The following ETNK2 variants were observed in gnomAD, a reference collection of about 807,000 sequenced individuals.
ETNK2 encodes the protein ethanolamine kinase-like protein.
Under a neutral mutation model 46.2 loss-of-function variants are expected in ETNK2, and 33 were observed. The observed-to-expected ratio is 0.71, with a 90% CI of 0.54 to 0.96. The LOEUF (loss-of-function observed/expected upper bound fraction) is 0.96. Ranked by LOEUF, ETNK2 falls within the 40% of genes least tolerant of loss-of-function variation. The probability of loss-of-function intolerance (pLI) is 0.00; values close to 1 mark genes in which losing one functional copy is unlikely to be tolerated. For synonymous variants in ETNK2, 194 were observed against 209.0 expected (o/e 0.93, Z 0.62); for missense variants, 445 against 509.7 (o/e 0.87, Z 1.22).
At chr1:204,150,661 G>A (rs1014553341) in intron 1 of ETNK2, 1 of 152,876 alleles carries the variant, frequency 6.5e-6, no homozygotes, top group Non-Finnish European at 1.5e-5. Flanking sequence ...AGGCAGGAGA[G>A]GGGAGGGACT....
chr1:204,148,896 C>CAGG (rs2102303433), intron 2 of ETNK2, among the ~76,000 whole-genome samples: 1 of 152,324 alleles, frequency 6.6e-6, no homozygotes, highest in East Asian at 1.9e-4. Flanking sequence ...GTCCCAGTGT[C>CAGG]AGGAGTAAAC....
intron 2 of ETNK2, chr1:204,147,499 C>G (rs568890284): frequency 1.9e-6 from 1 of 533,248 alleles, no homozygotes; most frequent in South Asian, 1.4e-5. Context: ...CCCCATCGCC[C>G]GAGGCCCTGT....
At chr1:204,146,506 G>T in intron 3 of ETNK2, 136 bp downstream of exon 3, 1 of 994,840 alleles carries the variant, frequency 1.0e-6, no homozygotes, top group Non-Finnish European at 1.5e-6. Context: ...AGGACTGAAG[G>T]GACTGCAGGA....
chr1:204,140,248 C>T, intron 4 of ETNK2, 130 bp from the exon 5 acceptor site: 1 of 683,002 alleles, frequency 1.5e-6, no homozygotes. Context: ...CTGCCCAATC[C>T]CATCACTGCA....
intron 2 of ETNK2, among the ~76,000 whole-genome samples, chr1:204,148,944 C>T (rs1357700392): frequency 6.6e-6 from 1 of 152,184 alleles, no homozygotes; most frequent in African/African-American, 2.4e-5. Flanking sequence ...TCTGAGTGCC[C>T]TCCGTGTGGG....
At chr1:204,141,077 T>G (rs749346571) in intron 4 of ETNK2, 245 of 604,162 alleles carry the variant, frequency 4.1e-4, no homozygotes, top group South Asian at 5.6e-4. Flanking sequence ...CCACATGCCT[T>G]GGCCTCCCAA....
chr1:204,141,797 G>A (rs1020418999), intron 3 of ETNK2: 1 of 267,932 alleles, frequency 3.7e-6, no homozygotes, highest in African/African-American at 2.2e-5. Context: ...AGGCAGGTGA[G>A]AACGAGTGTC....
chr1:204,137,290 GC>G (rs1216542195), intron 5 of ETNK2, 41 bp from the exon 6 acceptor site: 1 of 1,604,090 alleles, frequency 6.2e-7, no homozygotes. Context: ...TCAGAGATGG[GC>G]CCACCAAGGG....
At chr1:204,137,554 G>A (rs941705412) in intron 5 of ETNK2, among the ~76,000 whole-genome samples, 2 of 152,164 alleles carry the variant, frequency 1.3e-5, no homozygotes, top group African/African-American at 4.8e-5. Context: ...CAGCACCACT[G>A]TCTTTCCCAA....
In ETNK2 at chr1:204,151,609, G is replaced by C. The variant is rs1283856758; in HGVS notation, c.244C>G (p.Gln82Glu). 3 of 1,548,424 alleles carry C rather than the reference G, an allele frequency of 1.9e-6. No individual in the cohort carries two copies. Among genetic ancestry groups the C allele is most frequent in the Non-Finnish European group, 2.6e-6 (3 of 1,146,016 alleles). Residue 82 changes from glutamine (Q) to glutamate (E), a missense_variant, in exon 1 of 8, where the codon CAA (glutamine) becomes GAA (glutamate). Physicochemically the swap from Gln to Glu is conservative, Grantham distance 29. Transcript: ENST00000367202. The surrounding 1 kb of genome is among the most constrained non-coding windows in gnomAD (Gnocchi z 8.0). ...CACTCCGCTACCTTGGTCCGAACTTGCTCGGGTTTCCAATGCGGCCGCAGC... is the reference window on the plus strand; with the variant it reads ...CACTCCGCTACCTTGGTCCGAACTTCCTCGGGTTTCCAATGCGGCCGCAGC... ...QELRPHWKPE[Q>E]VRTKRFTDGI...
intron 3 of ETNK2, chr1:204,142,703 C>T (rs1657603932): frequency 6.6e-6 from 1 of 152,258 alleles, no homozygotes; most frequent in Admixed American, 6.5e-5. Flanking sequence ...CTCTCACCTT[C>T]CCACAGGACA....
Position 204,144,967 on chromosome 1 carries a change from CT to C in ETNK2, c.641+1674del, listed in dbSNP as rs1422619286. The stretch of plus-strand genomic sequence containing the variant: ...TGTGTACCTAGATGGCTCTTAAGCT[CT>C]TTGAGGGCAGGGCCAGTGTCACATT... On this transcript the variant is annotated intron_variant, in intron 3 of 7. Transcript: ENST00000367202. Among the ~76,000 whole-genome samples the C allele has an allele frequency of 2.0e-5, 3 of 152,232 alleles. No individual in the cohort carries two copies. The East Asian group carries it at 5.8e-4, about 29-fold the overall frequency.
intron 2 of ETNK2, among the ~76,000 whole-genome samples, chr1:204,148,802 G>T (rs1455470759): frequency 6.6e-6 from 1 of 152,214 alleles, no homozygotes; most frequent in African/African-American, 2.4e-5. Context: ...AGGTGGGCTT[G>T]TTTCCCCTCA....
In ETNK2 at chr1:204,137,222, T is replaced by C; in HGVS notation, c.896A>G (p.Tyr299Cys). 6.2e-7 allele frequency: 1 copy of C among 1,613,814 alleles called. No individual in the cohort carries two copies. Among genetic ancestry groups the C allele is most frequent in the East Asian group, 2.2e-5 (1 of 44,858 alleles). Residue 299 changes from tyrosine (Y) to cysteine (C), a missense_variant, in exon 6 of 8, where the codon TAC becomes TGC. Tyr to Cys is a radical substitution (Grantham distance 194, BLOSUM62 -2). Coordinates refer to ENST00000367202, the MANE Select transcript of ETNK2 (RefSeq NM_018208.4). ...CTGCAGCTGGGTCTCCCGCGCCGGG[T>C]ACAGGCAGTAATCCACCTCATTCAC... ...AGVNEVDYCL[Y>C]PARETQLQWL...
intron 6 of ETNK2, among the ~76,000 whole-genome samples, chr1:204,135,834 G>A (rs2102281803): frequency 6.6e-6 from 1 of 152,342 alleles, no homozygotes; most frequent in East Asian, 1.9e-4. Flanking sequence ...TCTGTACTGT[G>A]AAATTCAAGG....
At chr1:204,133,491 T>TA (rs1657150776) in intron 7 of ETNK2, among the ~76,000 whole-genome samples, 1 of 151,696 alleles carries the variant, frequency 6.6e-6, no homozygotes, top group Admixed American at 6.6e-5. Context: ...CTTTTTTTTT[T>TA]AATTAAATTT....
chr1:204,142,108 T>C (rs575652396), intron 3 of ETNK2: 8 of 152,842 alleles, frequency 5.2e-5, no homozygotes, highest in Admixed American at 1.3e-4. Context: ...TAACCTCTCA[T>C]CTCACAAACA....
At chr1:204,139,915 A>G in intron 5 of ETNK2, 120 bp downstream of exon 5, 1 of 795,360 alleles carries the variant, frequency 1.3e-6, no homozygotes, top group Non-Finnish European at 2.1e-6. Flanking sequence ...AGGTACAGTA[A>G]AAATATGGTA....
rs764058133 is a variant in ETNK2 at position 204,132,208 on chromosome 1, C to T, written c.1137G>A (p.Ala379=). 24 of 1,573,864 alleles carry T rather than the reference C, an allele frequency of 1.5e-5. No individual in the cohort carries two copies. Among genetic ancestry groups the T allele is most frequent in the African/African-American group, 4.0e-5 (3 of 74,078 alleles). The stretch of plus-strand genomic sequence containing the variant: ...GTCACTTTGGCATCTCCAAGGCTGA[C>T]GCTTGAGGCTTCACCTTGAAGTACT... ...FNQYFKVKPQ[A]SALEMPK Residue 379 remains alanine, a synonymous_variant, in exon 8 of 8, where the codon GCG becomes GCA. Coordinates refer to ENST00000367202, the MANE Select transcript of ETNK2 (RefSeq NM_018208.4).
Sources: gnomAD v4.1 joint callset for allele counts (sites outside exome capture counted in the v4.1 genomes callset) on GRCh38, gnomAD v4.1.1 for gene constraint, Gnocchi (gnomAD v3.1) non-coding constraint, MANE v1.5 for transcripts, NCBI Gene and HGNC (gene_info 2026-07-23, HGNC 2026-07-21) for gene names.